The following L3MBTL3 variants were observed in gnomAD, a reference collection of about 807,000 sequenced individuals.
L3MBTL3 encodes lethal(3)malignant brain tumor-like protein 3.
Under a neutral mutation model 102.3 loss-of-function variants are expected in L3MBTL3, and 27 were observed. That is an observed-to-expected ratio of 0.26 (90% CI 0.19 to 0.36). The LOEUF (loss-of-function observed/expected upper bound fraction) is 0.36, where lower values mean the gene tolerates loss of function less well. Ranked by LOEUF, L3MBTL3 falls within the 10% of genes least tolerant of loss-of-function variation. L3MBTL3 has a pLI of 1.00. For synonymous variants in L3MBTL3, 340 were observed against 320.9 expected (o/e 1.06, Z -0.64); for missense variants, 798 against 955.3 (o/e 0.84, Z 2.17).
At chr6:130,038,911 T>A (rs1004984295) in intron 2 of L3MBTL3, among the ~76,000 whole-genome samples, 1 of 152,116 alleles carries the variant, frequency 6.6e-6, no homozygotes, top group Non-Finnish European at 1.5e-5. Flanking sequence ...ATATTTGATG[T>A]TTTCTCTACT....
intron 13 of L3MBTL3, among the ~76,000 whole-genome samples, chr6:130,077,008 A>G (rs1782995032): frequency 6.6e-6 from 1 of 152,158 alleles, no homozygotes; most frequent in South Asian, 2.1e-4. Flanking sequence ...CAGCAAAATC[A>G]AAGAGTAATA....
chr6:130,099,247 G>C (rs1478641194), intron 18 of L3MBTL3, among the ~76,000 whole-genome samples: 1 of 152,120 alleles, frequency 6.6e-6, no homozygotes, highest in African/African-American at 2.4e-5. Flanking sequence ...ATGGGACTCT[G>C]TTCTTCTGCT....
chr6:130,051,111 C>T, intron 5 of L3MBTL3, 138 bp from the exon 6 acceptor site: 1 of 643,946 alleles, frequency 1.6e-6, no homozygotes, highest in Non-Finnish European at 2.6e-6. Context: ...AAAACACTAT[C>T]ATTTGATCAT....
chr6:130,063,588 G>A (rs1782050496), intron 10 of L3MBTL3, among the ~76,000 whole-genome samples: 1 of 152,136 alleles, frequency 6.6e-6, no homozygotes, highest in African/African-American at 2.4e-5. Context: ...GTGTAACCTT[G>A]TTTTATGTGT....
intron 7 of L3MBTL3, among the ~76,000 whole-genome samples, chr6:130,054,719 C>T (rs1488628373): frequency 6.6e-6 from 1 of 152,104 alleles, no homozygotes; most frequent in Non-Finnish European, 1.5e-5. Flanking sequence ...TCTACAGCCA[C>T]ATGGAGTAAG....
chr6:130,117,692 A>G (rs1785809795), intron 19 of L3MBTL3, among the ~76,000 whole-genome samples: 1 of 151,980 alleles, frequency 6.6e-6, no homozygotes, highest in Admixed American at 6.6e-5. Context: ...AATTGAATAA[A>G]CAATTTTTCT....
At chr6:130,080,614 G>C (rs1783277103) in intron 14 of L3MBTL3, among the ~76,000 whole-genome samples, 1 of 152,018 alleles carries the variant, frequency 6.6e-6, no homozygotes, top group South Asian at 2.1e-4. Flanking sequence ...ATGAGGCAAA[G>C]AACCAAGCCA....
intron 16 of L3MBTL3, among the ~76,000 whole-genome samples, chr6:130,087,591 G>A (rs746395900): frequency 2.0e-5 from 3 of 152,042 alleles, no homozygotes; most frequent in South Asian, 2.1e-4. Context: ...TAACAAAATC[G>A]TAGAATGTTG....
At chr6:130,052,282 A>G (rs949994418) in intron 6 of L3MBTL3, among the ~76,000 whole-genome samples, 7 of 151,696 alleles carry the variant, frequency 4.6e-5, no homozygotes, top group African/African-American at 7.3e-5. Context: ...AGTTTTTTCT[A>G]TTTTAGTAGA....
At chr6:130,038,514 AT>A (rs1367501631) in intron 2 of L3MBTL3, among the ~76,000 whole-genome samples, 1 of 151,854 alleles carries the variant, frequency 6.6e-6, no homozygotes, top group African/African-American at 2.4e-5. Context: ...TTGTCTGATG[AT>A]TAGTGATTCT....
At chr6:130,091,900 C>T (rs868419535) in intron 16 of L3MBTL3, among the ~76,000 whole-genome samples, 48 of 147,974 alleles carry the variant, frequency 3.2e-4, no homozygotes, top group African/African-American at 9.2e-4. Context: ...GATTAACAGG[C>T]GCAAAAATAG....
intron 2 of L3MBTL3, among the ~76,000 whole-genome samples, chr6:130,040,620 C>T (rs1175265663): frequency 2.0e-5 from 3 of 152,168 alleles, no homozygotes; most frequent in African/African-American, 7.2e-5. Context: ...CTTGAAGGTT[C>T]AAATTTAATT....
rs143986425 is a variant in L3MBTL3 at position 130,025,853 on chromosome 6, C to T, written c.-16+3548C>T. 4.1e-4 allele frequency among the ~76,000 whole-genome samples: 63 copies of T among 152,256 alleles called. 1 individual carries two copies. The highest frequency in any genetic ancestry group is 1.4e-3 in the African/African-American group (59 of 41,548). ...GTTGTGAACTGCTTCACAAAATCAA[C>T]AATTACAGCAGGGTTGAATGAATGT... is the stretch of plus-strand genomic sequence containing the variant. On this transcript the variant is annotated intron_variant, in intron 2 of 22. Coordinates refer to ENST00000361794, the MANE Select transcript of L3MBTL3 (RefSeq NM_032438.4).
chr6:130,049,552 A>G (rs866712689), intron 4 of L3MBTL3, 159 bp downstream of exon 4: 3 of 716,220 alleles, frequency 4.2e-6, no homozygotes, highest in Middle Eastern at 4.9e-4. Context: ...AGGAGCCAGC[A>G]TTTATGTTTT....
intron 11 of L3MBTL3, among the ~76,000 whole-genome samples, chr6:130,067,205 G>A (rs779244361): frequency 3.3e-5 from 5 of 151,984 alleles, no homozygotes; most frequent in Non-Finnish European, 7.4e-5. Flanking sequence ...CCACTGCCTA[G>A]CAGGTTCAAG....
At chr6:130,135,626 T>A (rs1033518030) in intron 22 of L3MBTL3, among the ~76,000 whole-genome samples, 1 of 152,224 alleles carries the variant, frequency 6.6e-6, no homozygotes. Context: ...ATTTTTTTTA[T>A]TCATGGCAGA....
intron 15 of L3MBTL3, 134 bp downstream of exon 15, chr6:130,083,839 A>G: frequency 2.3e-6 from 1 of 428,386 alleles, no homozygotes. Context: ...GATGTTTTTG[A>G]ATTTTTACAA....
chr6:130,103,857 A>G (rs775594454), intron 18 of L3MBTL3, among the ~76,000 whole-genome samples: 54 of 152,344 alleles, frequency 3.5e-4, no homozygotes, highest in Middle Eastern at 3.4e-3. Flanking sequence ...GTCCTTTTTC[A>G]TCTTATGAAC....
At chr6:130,031,658 C>T (rs1234584999) in intron 2 of L3MBTL3, among the ~76,000 whole-genome samples, 1 of 152,156 alleles carries the variant, frequency 6.6e-6, no homozygotes, top group Non-Finnish European at 1.5e-5. Flanking sequence ...AGCATCGTGA[C>T]CATTCATTAG....
Sources: allele counts gnomAD v4.1 joint callset (sites outside exome capture counted in the v4.1 genomes callset), GRCh38; gene constraint gnomAD v4.1.1; transcripts MANE v1.5; gene names NCBI Gene and HGNC (gene_info 2026-07-23, HGNC 2026-07-21).